The following LIPA variants were observed in gnomAD, a reference collection of about 807,000 sequenced individuals.
LIPA encodes lysosomal acid lipase/cholesteryl ester hydrolase.
In LIPA, 26 loss-of-function variants were observed where a neutral mutation model predicts 40.6. The ratio of observed to expected loss-of-function variants is 0.64; its 90% CI spans 0.47 to 0.89. LIPA has a LOEUF of 0.89. LIPA is among the 40% of genes least tolerant of loss of function. The pLI, the probability that LIPA is intolerant of heterozygous loss-of-function variation, is 0.00. For missense variants in LIPA, 455 were observed against 479.6 expected, an observed-to-expected ratio of 0.95 and a Z score of 0.48; for synonymous variants, 188 against 168.4, an observed-to-expected ratio of 1.12 and a Z score of -0.90.
chr10:89,245,997 G>A (rs764234076), intron 2 of LIPA, among the ~76,000 whole-genome samples: 3 of 151,954 alleles, frequency 2.0e-5, no homozygotes, highest in Admixed American at 1.3e-4. Flanking sequence ...TCCACCTACC[G>A]GTGTCTGGTT....
At chr10:89,254,363 G>T (rs2133483190), upstream of LIPA, among the ~76,000 whole-genome samples, 1 of 152,346 alleles carries the variant, frequency 6.6e-6, no homozygotes, top group South Asian at 2.1e-4. Context: ...AAGGCTTAGG[G>T]ACTGTACCCT....
At chr10:89,269,162 T>TA (rs2133491509) in intron 1 of LIPA, among the ~76,000 whole-genome samples, 2 of 147,696 alleles carry the variant, frequency 1.4e-5, no homozygotes, top group South Asian at 4.3e-4. Flanking sequence ...CCGTCTCTAC[T>TA]AAAAAATACA....
At chr10:89,338,538 A>C (rs1843784775) in intron 1 of LIPA, 5 of 907,604 alleles carry the variant, frequency 5.5e-6, no homozygotes, top group South Asian at 1.7e-5. Flanking sequence ...ATACCCAGAA[A>C]TAATGTTGGA....
chr10:89,219,901 AG>A (rs1415027995), intron 8 of LIPA, among the ~76,000 whole-genome samples: 1 of 152,234 alleles, frequency 6.6e-6, no homozygotes, highest in East Asian at 1.9e-4. Flanking sequence ...AATATTCTGG[AG>A]GTATATTCCA....
At chr10:89,337,961 C>T (rs955148779) in intron 1 of LIPA, among the ~76,000 whole-genome samples, 3 of 152,138 alleles carry the variant, frequency 2.0e-5, no homozygotes, top group Non-Finnish European at 4.4e-5. Context: ...ACATGAGATA[C>T]TCAACACTTT....
intron 2 of LIPA, among the ~76,000 whole-genome samples, chr10:89,408,695 C>T (rs954475957): frequency 4.6e-5 from 7 of 152,236 alleles, no homozygotes; most frequent in African/African-American, 1.7e-4. Flanking sequence ...AGATGTCCTA[C>T]AGGGCCTAGG....
At chr10:89,317,896 G>A (rs1201810393) in intron 1 of LIPA, among the ~76,000 whole-genome samples, 3 of 152,208 alleles carry the variant, frequency 2.0e-5, no homozygotes, top group Non-Finnish European at 4.4e-5. Flanking sequence ...AGCCAGAAGA[G>A]AGTGGGGGCC....
intron 2 of LIPA, among the ~76,000 whole-genome samples, chr10:89,392,246 A>G (rs1401457051): frequency 2.0e-5 from 3 of 152,176 alleles, no homozygotes; most frequent in East Asian, 1.9e-4. Context: ...AAATATAGAA[A>G]CTGAAAATAG....
intron 1 of LIPA, among the ~76,000 whole-genome samples, chr10:89,330,114 C>T (rs1389627200): frequency 6.6e-6 from 1 of 152,112 alleles, no homozygotes; most frequent in East Asian, 1.9e-4. Context: ...CAGGAACTGG[C>T]CATCTGGATG....
At chr10:89,309,878 C>T (rs1843506063) in intron 1 of LIPA, among the ~76,000 whole-genome samples, 1 of 152,184 alleles carries the variant, frequency 6.6e-6, no homozygotes, top group South Asian at 2.1e-4. Context: ...AGCCACATTT[C>T]CCGGGGCAGG....
At chr10:89,288,681 C>T (rs759732435) in intron 1 of LIPA, among the ~76,000 whole-genome samples, 6 of 152,138 alleles carry the variant, frequency 3.9e-5, no homozygotes, top group South Asian at 2.1e-4. Flanking sequence ...CTAATCTCCA[C>T]TCACCAGCAA....
At chr10:89,299,443 A>C (rs1467321827) in intron 1 of LIPA, among the ~76,000 whole-genome samples, 1 of 152,234 alleles carries the variant, frequency 6.6e-6, no homozygotes, top group Non-Finnish European at 1.5e-5. Flanking sequence ...GTAATGAAAT[A>C]ATAGATGAGA....
rs188856477 is a variant in LIPA, at chr10:89,350,188, C to T, written c.61+62603G>A. On this transcript the variant is annotated intron_variant, in intron 2 of 8. Transcript: ENST00000371837. ...AGCCACTTCTTTCACTTGCTCATCA[C>T]TGAGTTCTCTGGTGTGAAGAGACTG... is the stretch of plus-strand genomic sequence containing the variant. Among the ~76,000 whole-genome samples, 96 of 152,252 alleles carry T rather than the reference C, an allele frequency of 6.3e-4. 1 individual carries two copies. Among genetic ancestry groups the T allele is most frequent in the African/African-American group, 2.2e-3 (91 of 41,560 alleles).
chr10:89,356,697 T>A (rs1172089794), intron 2 of LIPA, among the ~76,000 whole-genome samples: 1 of 152,226 alleles, frequency 6.6e-6, no homozygotes, highest in Non-Finnish European at 1.5e-5. Context: ...GTGAGTTGTA[T>A]AATTATTTCG....
chr10:89,395,762 C>T (rs899128605), intron 2 of LIPA, among the ~76,000 whole-genome samples: 2 of 151,958 alleles, frequency 1.3e-5, no homozygotes, highest in Admixed American at 6.6e-5. Flanking sequence ...GAAGCTCTTT[C>T]AAGGCAGGGC....
At chr10:89,397,170 C>T (rs1233847747) in intron 2 of LIPA, among the ~76,000 whole-genome samples, 3 of 152,060 alleles carry the variant, frequency 2.0e-5, no homozygotes, top group African/African-American at 4.8e-5. Context: ...TTTATTTAAC[C>T]GTTCCCTATT....
At chr10:89,223,410 T>G (rs1009017714) in intron 7 of LIPA, among the ~76,000 whole-genome samples, 2 of 152,170 alleles carry the variant, frequency 1.3e-5, no homozygotes, top group South Asian at 4.1e-4. Flanking sequence ...ATCACTAGAG[T>G]AATTATAAAT....
chr10:89,349,715 C>T (rs1377644959), intron 2 of LIPA, among the ~76,000 whole-genome samples: 1 of 152,174 alleles, frequency 6.6e-6, no homozygotes, highest in Non-Finnish European at 1.5e-5. Flanking sequence ...TGTGATGTGT[C>T]CTCCTCCAAC....
chr10:89,351,863 G>A (rs1843961132), intron 2 of LIPA, among the ~76,000 whole-genome samples: 1 of 152,150 alleles, frequency 6.6e-6, no homozygotes, highest in Admixed American at 6.5e-5. Flanking sequence ...GGGCTCTCTA[G>A]CAACTAAAAA....
Sources: gnomAD v4.1 joint callset for allele counts (sites outside exome capture counted in the v4.1 genomes callset) on GRCh38, gnomAD v4.1.1 for gene constraint, MANE v1.5 for transcripts, NCBI Gene and HGNC (gene_info 2026-07-23, HGNC 2026-07-21) for gene names.